The following PLD3 variants were observed in gnomAD, a reference collection of about 807,000 sequenced individuals.
The protein encoded by PLD3 is 5'-3' exonuclease PLD3.
A neutral mutation model predicts 58.4 loss-of-function variants in PLD3; 31 were observed. That is an observed-to-expected ratio of 0.53 (90% CI 0.40 to 0.72). The LOEUF is 0.72. Ranked by LOEUF, PLD3 falls within the 30% of genes least tolerant of loss-of-function variation. The pLI, the probability that PLD3 is intolerant of heterozygous loss-of-function variation, is 0.00. For synonymous variants in PLD3, 264 were observed against 273.4 expected (o/e 0.97, Z 0.34); for missense variants, 595 against 659.8 (o/e 0.90, Z 1.08).
chr19:40,378,353 C>T lies in PLD3; in HGVS notation c.*180C>T, dbSNP rs756602038. The T allele has an allele frequency of 2.2e-5, 16 of 715,680 alleles. No homozygotes were observed. Among genetic ancestry groups the T allele is most frequent in the South Asian group, 7.4e-5 (5 of 67,500 alleles). The allele number at this position is 715,680 out of a possible 1,614,324, so 44.3% of individuals were successfully genotyped here. A position where few individuals can be genotyped will look rare whatever the true frequency, so the allele number is the denominator to read the frequency against. ...CCGGCCTGACGCTGTGGCCCCGGGA[C>T]CCAGCAGAGCTGGGGGAGGGATCAG... On this transcript the variant is annotated 3_prime_UTR_variant, in exon 13 of 13. Transcript: ENST00000409735.
At chr19:40,352,789 C>A (rs1476728796) in intron 1 of PLD3, among the ~76,000 whole-genome samples, 1 of 151,658 alleles carries the variant, frequency 6.6e-6, no homozygotes, top group Non-Finnish European at 1.5e-5. Flanking sequence ...GTGGTGAGAT[C>A]CCAACTCTAC....
chr19:40,367,428 A>G lies in PLD3; in HGVS notation c.246-268A>G, dbSNP rs114782983. The stretch of plus-strand genomic sequence containing the variant: ...CGGCTCCATCTCTACTAAAAGTAAA[A>G]AAAGTAACCAGGCATACTGGTGCAC... On this transcript the variant is annotated intron_variant, in intron 5 of 12. Transcript: ENST00000409735. 1,115 of 366,922 alleles carry G rather than the reference A, an allele frequency of 3.0e-3. 6 individuals carry two copies. The highest frequency in any genetic ancestry group is 0.021 in the African/African-American group (1,035 of 49,082). The allele number at this position is 366,922 out of a possible 1,614,324, so 22.7% of individuals were successfully genotyped here.
chr19:40,355,073 A>T (rs969038956), intron 1 of PLD3, among the ~76,000 whole-genome samples: 4 of 151,746 alleles, frequency 2.6e-5, no homozygotes, highest in African/African-American at 9.7e-5. Context: ...TCCTTACCTC[A>T]AGTGATACAC....
chr19:40,372,790 A>T (rs1379014344), intron 9 of PLD3, among the ~76,000 whole-genome samples: 1 of 151,984 alleles, frequency 6.6e-6, no homozygotes, highest in Non-Finnish European at 1.5e-5. Flanking sequence ...CAGGGGGATC[A>T]CTTGAGCCCA....
In PLD3 at chr19:40,366,888, G is replaced by A. The variant is rs11552729; in HGVS notation, c.218G>A (p.Arg73His). 4.3e-6 allele frequency: 7 copies of A among 1,611,974 alleles called. No homozygotes were observed. Among genetic ancestry groups the A allele is most frequent in the East Asian group, 4.5e-5 (2 of 44,882 alleles). Residue 73 changes from arginine (R) to histidine (H), a missense_variant, in exon 5 of 13, where the codon CGC becomes CAC. Coordinates refer to ENST00000409735, the MANE Select transcript of PLD3 (RefSeq NM_012268.4). ...GDLHLFGPNQRPAPCYDPCEA... is the reference protein window; with the variant it reads ...GDLHLFGPNQHPAPCYDPCEA... ...TTGCATCTCTTTGGGCCCAACCAGC[G>A]CCCAGCCCCCTGCTATGACCCTTGC...
chr19:40,354,264 G>A (rs558153370), intron 1 of PLD3, among the ~76,000 whole-genome samples: 316 of 151,832 alleles, frequency 2.1e-3, no homozygotes, highest in African/African-American at 7.2e-3. Flanking sequence ...AGTAGAGACG[G>A]GGTTTCACCA....
intron 6 of PLD3, among the ~76,000 whole-genome samples, chr19:40,368,306 A>C (rs906255881): frequency 6.6e-6 from 1 of 152,116 alleles, no homozygotes; most frequent in Non-Finnish European, 1.5e-5. Context: ...AATTTATAGC[A>C]CCTGCTTCTT....
At chr19:40,360,064 A>ACCAAACT (rs1319293704) in intron 1 of PLD3, 1 of 151,914 alleles carries the variant, frequency 6.6e-6, no homozygotes, top group Non-Finnish European at 1.5e-5. Context: ...TATGTTCAAA[A>ACCAAACT]CCAAACTCCT....
At position 40,366,755 on chromosome 19, in the gene PLD3, ACCT is replaced by A. The variant is rs1419358240; in HGVS notation, c.103-9_103-7del. On this transcript the variant is annotated splice_polypyrimidine_tract_variant and intron_variant, in intron 4 of 12. Coordinates refer to ENST00000409735, the MANE Select transcript of PLD3 (RefSeq NM_012268.4). ...GCTGCCCCCCTCGGGCTGGCTGACC[ACCT>A]CCTCCTCCCCACAGAAAGCCCGCTG... 5 of 1,613,248 alleles carry A rather than the reference ACCT, an allele frequency of 3.1e-6. No homozygotes were observed. The highest frequency in any genetic ancestry group is 2.2e-5 in the East Asian group (1 of 44,874).
intron 1 of PLD3, among the ~76,000 whole-genome samples, chr19:40,364,315 C>G (rs558840860): frequency 1.3e-5 from 2 of 151,650 alleles, no homozygotes; most frequent in Non-Finnish European, 2.9e-5. Flanking sequence ...GATTGTGCCA[C>G]TGCACTCCAG....
chr19:40,351,714 T>A lies in PLD3; in HGVS notation c.-279+2946T>A, dbSNP rs28551602. ...GGGGCAAGAGACGACATTGGAGGGG[T>A]GATGGGGCACATCGTGGAAGGCCTT... On this transcript the variant is annotated intron_variant, in intron 1 of 12. Transcript: ENST00000409735. 7.8e-3 allele frequency among the ~76,000 whole-genome samples: 1,180 copies of A among 151,952 alleles called. 16 individuals are homozygous for A. Among genetic ancestry groups the A allele is most frequent in the African/African-American group, 0.027 (1,131 of 41,424 alleles).
At chr19:40,359,641 C>G (rs2078733061) in intron 1 of PLD3, 1 of 152,120 alleles carries the variant, frequency 6.6e-6, no homozygotes, top group Non-Finnish European at 1.5e-5. Context: ...GGAGCCTGAG[C>G]CTCTTTATAA....
chr19:40,359,831 A>G (rs976373832), intron 1 of PLD3: 5 of 152,136 alleles, frequency 3.3e-5, no homozygotes, highest in African/African-American at 7.2e-5. Flanking sequence ...GGGCTCTTCT[A>G]TGCACATTAT....
intron 6 of PLD3, 88 bp downstream of exon 6, chr19:40,367,967 G>A: frequency 2.6e-6 from 3 of 1,146,084 alleles, no homozygotes; most frequent in Non-Finnish European, 3.7e-6. Flanking sequence ...TTCTCCTGCA[G>A]CCCAGGAGAC....
intron 1 of PLD3, among the ~76,000 whole-genome samples, chr19:40,349,637 G>A (rs1173016503): frequency 1.3e-5 from 2 of 152,114 alleles, no homozygotes; most frequent in African/African-American, 4.8e-5. Context: ...AGCTTGACAT[G>A]GTGTTTTTGG....
intron 1 of PLD3, among the ~76,000 whole-genome samples, chr19:40,349,594 A>G (rs149412392): frequency 1.6e-3 from 242 of 152,246 alleles, no homozygotes; most frequent in African/African-American, 5.4e-3. Flanking sequence ...GCTGAGTGTG[A>G]CGATTCTGTG....
At position 40,376,541 on chromosome 19, in the gene PLD3, T is replaced by A. The variant is rs2079205591; in HGVS notation, c.1020-68T>A. The A allele has an allele frequency of 2.0e-6, 3 of 1,503,930 alleles. No individual in the cohort carries two copies. In the Admixed American group the frequency reaches 5.4e-5, roughly 27 times the overall value. 93.2% of individuals were successfully genotyped at this position (1,503,930 alleles called of 1,614,324 possible). ...GGGCCCAGGCTTGGTTCCCCAAAGC[T>A]GAGGGCAAAGCCTGTGGACACAGCC... is the stretch of plus-strand genomic sequence containing the variant. On this transcript the variant is annotated intron_variant, in intron 10 of 12. Transcript: ENST00000409735.
At chr19:40,349,802 T>C (rs1023989701) in intron 1 of PLD3, among the ~76,000 whole-genome samples, 2 of 148,286 alleles carry the variant, frequency 1.3e-5, no homozygotes, top group African/African-American at 5.0e-5. Context: ...CTACTAAAAA[T>C]ACAAAATTAG....
At chr19:40,376,424 G>A (rs1465148316) in intron 10 of PLD3, 185 bp from the exon 11 acceptor site, 11 of 568,174 alleles carry the variant, frequency 1.9e-5, no homozygotes, top group Non-Finnish European at 3.1e-5. Context: ...GGGAGCCACA[G>A]CCAGGAAGAG....
Sources: allele counts gnomAD v4.1 joint callset (sites outside exome capture counted in the v4.1 genomes callset), GRCh38; gene constraint gnomAD v4.1.1; transcripts MANE v1.5; gene names NCBI Gene and HGNC (gene_info 2026-07-23, HGNC 2026-07-21).